The following DAPK2 variants were observed in gnomAD, a reference collection of about 807,000 sequenced individuals.
The protein encoded by DAPK2 is death-associated protein kinase 2.
DAPK2 carries 35 observed loss-of-function variants against 44.1 expected under a neutral mutation model. That is an observed-to-expected ratio of 0.79 (90% CI 0.61 to 1.05). The LOEUF is 1.05. Among genes scored for constraint, DAPK2 ranks in the 50% least tolerant of loss-of-function variants. The pLI is 0.00. For synonymous variants in DAPK2, 174 were observed against 182.6 expected, an observed-to-expected ratio of 0.95 and a Z score of 0.38; for missense variants, 453 against 483.2, an observed-to-expected ratio of 0.94 and a Z score of 0.59.
At chr15:63,978,655 C>G (rs75930220) in intron 2 of DAPK2, among the ~76,000 whole-genome samples, 2,453 of 152,272 alleles carry the variant, frequency 0.016, 62 homozygotes, top group African/African-American at 0.056. Flanking sequence ...CACCTCTTTT[C>G]AAAGCCAAAC....
chr15:63,984,620 T>C (rs558221270), intron 1 of DAPK2, among the ~76,000 whole-genome samples: 40 of 152,324 alleles, frequency 2.6e-4, no homozygotes, highest in African/African-American at 8.4e-4. Context: ...GTGACCATCT[T>C]GCCCGGGGGT....
intron 2 of DAPK2, among the ~76,000 whole-genome samples, chr15:63,979,469 C>T (rs137953354): frequency 3.7e-4 from 56 of 152,288 alleles, no homozygotes; most frequent in African/African-American, 1.3e-3. Context: ...AGCGTAGACT[C>T]ATTCATAAAA....
At chr15:63,943,284 C>G (rs1320908725) in intron 3 of DAPK2, among the ~76,000 whole-genome samples, 1 of 151,754 alleles carries the variant, frequency 6.6e-6, no homozygotes, top group African/African-American at 2.4e-5. Flanking sequence ...AAAAATTAGC[C>G]CAGCATGGTG....
chr15:63,967,894 G>A (rs2140706227), intron 3 of DAPK2, among the ~76,000 whole-genome samples: 1 of 152,254 alleles, frequency 6.6e-6, no homozygotes, highest in Middle Eastern at 3.4e-3. Flanking sequence ...CTTCAAGCTG[G>A]AAGGTGTGCA....
chr15:64,014,435 GTCACTTGTTCAAAA>G (rs2079468402), intron 1 of DAPK2, among the ~76,000 whole-genome samples: 1 of 152,204 alleles, frequency 6.6e-6, no homozygotes, highest in Non-Finnish European at 1.5e-5. Context: ...CTGGGAGTAG[GTCACTTGTTCAAAA>G]TCACCCAATG....
intron 1 of DAPK2, among the ~76,000 whole-genome samples, chr15:64,032,848 G>T (rs1405571129): frequency 5.3e-5 from 8 of 152,122 alleles, no homozygotes; most frequent in African/African-American, 1.9e-4. Flanking sequence ...CATTTTGGAA[G>T]GCTGAGGTGG....
At chr15:64,033,575 A>G (rs943043031) in intron 1 of DAPK2, among the ~76,000 whole-genome samples, 2 of 152,198 alleles carry the variant, frequency 1.3e-5, no homozygotes, top group Non-Finnish European at 2.9e-5. Context: ...GTCCACACAC[A>G]CACTTGCTTA....
intron 1 of DAPK2, among the ~76,000 whole-genome samples, chr15:64,026,786 G>A (rs924187377): frequency 6.6e-6 from 1 of 152,174 alleles, no homozygotes; most frequent in African/African-American, 2.4e-5. Context: ...TCTCAGAGAA[G>A]GAAAGTGAAA....
At chr15:63,928,229 C>T (rs1333315807) in intron 6 of DAPK2, 2 of 152,646 alleles carry the variant, frequency 1.3e-5, no homozygotes, top group African/African-American at 4.8e-5. Flanking sequence ...GGGGTGGGGC[C>T]TGGGCCATGG....
chr15:64,037,469 C>A (rs2080241415), intron 1 of DAPK2, among the ~76,000 whole-genome samples: 4 of 152,244 alleles, frequency 2.6e-5, no homozygotes, highest in Admixed American at 2.6e-4. Flanking sequence ...CCTTAACACA[C>A]CTTATGGTGA....
At chr15:63,962,790 C>T (rs1401752043) in intron 3 of DAPK2, among the ~76,000 whole-genome samples, 1 of 152,206 alleles carries the variant, frequency 6.6e-6, no homozygotes, top group East Asian at 1.9e-4. Flanking sequence ...TTAGGCTACT[C>T]GGGGGTCAGG....
chr15:63,928,025 T>C (rs1288669711), intron 6 of DAPK2, among the ~76,000 whole-genome samples: 1 of 152,080 alleles, frequency 6.6e-6, no homozygotes, highest in Non-Finnish European at 1.5e-5. Context: ...TGGGATTACA[T>C]GGGATCCCTT....
chr15:64,025,693 T>C (rs555872795), intron 1 of DAPK2, among the ~76,000 whole-genome samples: 10 of 152,366 alleles, frequency 6.6e-5, no homozygotes, highest in South Asian at 4.1e-4. Flanking sequence ...TAGGATATTA[T>C]GTAGGCACCT....
chr15:63,958,107 G>A (rs2077778543), intron 3 of DAPK2, among the ~76,000 whole-genome samples: 1 of 152,200 alleles, frequency 6.6e-6, no homozygotes, highest in Non-Finnish European at 1.5e-5. Context: ...CTGATGGCCA[G>A]TGATGATGAG....
At chr15:63,942,657 AC>A (rs554201835) in intron 3 of DAPK2, among the ~76,000 whole-genome samples, 228 of 151,872 alleles carry the variant, frequency 1.5e-3, no homozygotes, top group African/African-American at 5.2e-3. Flanking sequence ...CCTCAGCCCC[AC>A]CCCAAGCACC....
At chr15:63,995,752 A>G (rs1361761139) in intron 1 of DAPK2, among the ~76,000 whole-genome samples, 2 of 152,234 alleles carry the variant, frequency 1.3e-5, no homozygotes, top group African/African-American at 4.8e-5. Flanking sequence ...TGACTAAAGG[A>G]AGGCATGGCA....
intron 1 of DAPK2, among the ~76,000 whole-genome samples, chr15:63,996,046 T>C (rs1180914302): frequency 2.0e-5 from 3 of 152,232 alleles, no homozygotes; most frequent in Non-Finnish European, 4.4e-5. Context: ...ACAACTATGA[T>C]GACCTAGATG....
chr15:63,927,316 C>T (rs8035983), intron 6 of DAPK2, among the ~76,000 whole-genome samples: 34,754 of 152,056 alleles, frequency 0.23, 6,145 homozygotes, highest in African/African-American at 0.5. Flanking sequence ...GCTTGGTACA[C>T]TTCAGCCACA....
intron 1 of DAPK2, among the ~76,000 whole-genome samples, chr15:64,034,681 C>T (rs1288692937): frequency 1.3e-5 from 2 of 152,008 alleles, no homozygotes; most frequent in African/African-American, 4.8e-5. Flanking sequence ...TAAACCAGCA[C>T]GGTAGTCGGT....
Sources: gnomAD v4.1 joint callset for allele counts (sites outside exome capture counted in the v4.1 genomes callset) on GRCh38, gnomAD v4.1.1 for gene constraint, MANE v1.5 for transcripts, NCBI Gene and HGNC (gene_info 2026-07-23, HGNC 2026-07-21) for gene names.